Variants in PKHD1 observed in about 807,000 individuals in gnomAD.
PKHD1 encodes the protein fibrocystin.
Under a neutral mutation model 412.0 loss-of-function variants are expected in PKHD1, and 291 were observed. The observed-to-expected ratio is 0.71, with a 90% confidence interval of 0.64 to 0.78. PKHD1 has a LOEUF of 0.78. Among genes scored for constraint, PKHD1 ranks in the 30% least tolerant of loss-of-function variants. PKHD1 has a pLI of 0.00. For missense variants in PKHD1, 4,825 were observed against 4,950.7 expected (o/e 0.97, Z 0.76); for synonymous variants, 1,777 against 1,821.5 (o/e 0.98, Z 0.62).
intron 1 of PKHD1, among the ~76,000 whole-genome samples, chr6:52,085,909 G>A (rs1468088902): frequency 1.3e-5 from 2 of 151,840 alleles, no homozygotes; most frequent in Non-Finnish European, 2.9e-5. Flanking sequence ...AGAGGGCATC[G>A]ACAAAATCCT....
At chr6:52,055,809 A>C in intron 18 of PKHD1, 80 bp from the exon 19 acceptor site, 2 of 1,449,740 alleles carry the variant, frequency 1.4e-6, no homozygotes, top group Non-Finnish European at 1.9e-6. Context: ...GTGCATGAGG[A>C]TTTTAGAGTA....
intron 22 of PKHD1, among the ~76,000 whole-genome samples, chr6:52,049,648 GTTA>G (rs1414386575): frequency 6.6e-6 from 1 of 152,136 alleles, no homozygotes; most frequent in Non-Finnish European, 1.5e-5. Flanking sequence ...GCTAGAAATG[GTTA>G]TTATGAAGCA....
chr6:51,639,904 T>A (rs1253484083), intron 63 of PKHD1, among the ~76,000 whole-genome samples: 1 of 152,226 alleles, frequency 6.6e-6, no homozygotes, highest in South Asian at 2.1e-4. Context: ...AATTGCTTAA[T>A]CTTTTTGTGA....
intron 52 of PKHD1, among the ~76,000 whole-genome samples, chr6:51,795,171 T>A (rs1582735845): frequency 6.6e-6 from 1 of 152,224 alleles, no homozygotes; most frequent in South Asian, 2.1e-4. Flanking sequence ...TGGAATATTT[T>A]TCCATTTGTT....
At chr6:52,081,615 A>G (rs1240248603) in intron 4 of PKHD1, among the ~76,000 whole-genome samples, 1 of 152,156 alleles carries the variant, frequency 6.6e-6, no homozygotes, top group East Asian at 1.9e-4. Flanking sequence ...GTGTGGGTAC[A>G]CACACATACA....
At chr6:51,974,767 A>C (rs1454205687) in intron 35 of PKHD1, among the ~76,000 whole-genome samples, 1 of 152,224 alleles carries the variant, frequency 6.6e-6, no homozygotes, top group Non-Finnish European at 1.5e-5. Flanking sequence ...ACACTGTTTG[A>C]GTGATGGGTG....
At chr6:51,824,169 C>T (rs1350587001) in intron 52 of PKHD1, among the ~76,000 whole-genome samples, 2 of 151,940 alleles carry the variant, frequency 1.3e-5, no homozygotes, top group African/African-American at 2.4e-5. Flanking sequence ...CCTGCCAAAT[C>T]AACAATTCTA....
intron 60 of PKHD1, among the ~76,000 whole-genome samples, chr6:51,714,250 G>C (rs1289671065): frequency 6.6e-6 from 1 of 152,110 alleles, no homozygotes; most frequent in Admixed American, 6.6e-5. Context: ...CACGCCAGTA[G>C]TTCCACCTAC....
At chr6:51,980,722 A>C (rs1222699444) in intron 35 of PKHD1, among the ~76,000 whole-genome samples, 1 of 152,258 alleles carries the variant, frequency 6.6e-6, no homozygotes, top group East Asian at 1.9e-4. Flanking sequence ...TACTTATCAG[A>C]CTATGATCTT....
chr6:51,681,645 T>C (rs1776678504), intron 60 of PKHD1, among the ~76,000 whole-genome samples: 1 of 152,042 alleles, frequency 6.6e-6, no homozygotes, highest in South Asian at 2.1e-4. Context: ...AATAGGATCA[T>C]TAACTAGTCA....
At chr6:51,734,773 GA>G (rs1237954699) in intron 60 of PKHD1, among the ~76,000 whole-genome samples, 7 of 152,016 alleles carry the variant, frequency 4.6e-5, no homozygotes, top group African/African-American at 1.7e-4. Flanking sequence ...TTTGCCACCT[GA>G]CGAGTACTAT....
intron 66 of PKHD1, chr6:51,622,818 T>C (rs1343454163): frequency 6.6e-6 from 1 of 152,168 alleles, no homozygotes; most frequent in East Asian, 1.9e-4. Context: ...TTATAAAATG[T>C]GAATCGAGAC....
intron 35 of PKHD1, among the ~76,000 whole-genome samples, chr6:51,962,186 A>G (rs554708908): frequency 6.6e-6 from 1 of 152,240 alleles, no homozygotes; most frequent in Non-Finnish European, 1.5e-5. Flanking sequence ...TGAAGACTTC[A>G]GCAGCATAAC....
intron 35 of PKHD1, among the ~76,000 whole-genome samples, chr6:51,989,961 A>AGGG (rs1796816000): frequency 1.6e-5 from 1 of 61,954 alleles, no homozygotes; most frequent in Non-Finnish European, 3.6e-5. Flanking sequence ...GGAAGGAAAG[A>AGGG]AGGAAGGAAG....
At chr6:52,069,886 C>T (rs1810339348) in intron 10 of PKHD1, among the ~76,000 whole-genome samples, 1 of 152,120 alleles carries the variant, frequency 6.6e-6, no homozygotes, top group Non-Finnish European at 1.5e-5. Context: ...GGCTGTATAG[C>T]TATAATTGTC....
chr6:51,755,568 T>C (rs1786848794), intron 55 of PKHD1, among the ~76,000 whole-genome samples: 1 of 152,224 alleles, frequency 6.6e-6, no homozygotes, highest in Non-Finnish European at 1.5e-5. Flanking sequence ...TCATTTTTGG[T>C]ATTTTTCAAG....
chr6:51,912,619 T>C (rs1028435244), intron 37 of PKHD1, 43 bp from the exon 38 acceptor site: 15 of 1,254,356 alleles, frequency 1.2e-5, no homozygotes, highest in Non-Finnish European at 1.6e-5. Flanking sequence ...ATTTAATCAT[T>C]AATCAAAACG....
intron 32 of PKHD1, among the ~76,000 whole-genome samples, chr6:52,024,262 A>G (rs1801814690): frequency 6.6e-6 from 1 of 152,260 alleles, no homozygotes; most frequent in African/African-American, 2.4e-5. Flanking sequence ...TTACGTTCTT[A>G]AATGATCAAA....
intron 35 of PKHD1, among the ~76,000 whole-genome samples, chr6:52,007,108 T>C (rs1024976738): frequency 3.3e-5 from 5 of 152,246 alleles, no homozygotes; most frequent in Non-Finnish European, 5.9e-5. Context: ...GCATTTGGGC[T>C]GGTTTCATGT....
Sources: allele counts gnomAD v4.1 joint callset (sites outside exome capture counted in the v4.1 genomes callset), GRCh38; gene constraint gnomAD v4.1.1; transcripts MANE v1.5; gene names NCBI Gene and HGNC (gene_info 2026-07-23, HGNC 2026-07-21).